TXLNG: variants seen among roughly 807,000 people sequenced by gnomAD.
TXLNG encodes taxilin gamma, also known as gamma-taxilin.
Under a neutral mutation model 38.8 loss-of-function variants are expected in TXLNG, and 5 were observed. That is an observed-to-expected ratio of 0.13 (90% confidence interval 0.07 to 0.27). TXLNG has a LOEUF of 0.27. Ranked by LOEUF, TXLNG falls within the 10% of genes least tolerant of loss-of-function variation. The probability of loss-of-function intolerance (pLI) is 1.00; values close to 1 mark genes in which losing one functional copy is unlikely to be tolerated. For missense variants in TXLNG, 393 were observed against 398.2 expected (o/e 0.99, Z 0.11); for synonymous variants, 182 against 158.2 (o/e 1.15, Z -1.13).
At position 16,818,595 on chromosome X, in the gene TXLNG, G is replaced by A. The variant is rs1160092905; in HGVS notation, c.124G>A (p.Glu42Lys). The A allele has an allele frequency of 8.3e-7, 1 of 1,207,077 alleles. No individual in the cohort carries two copies. ...CTAGTTTGAAATTGGCACAATGGAA[G>A]AAGCTGGAATTTGTGGGCTAGGGGT... ...RQKFEIGTME[E>K]AGICGLGVKA... Residue 42 changes from glutamate (E) to lysine (K), a missense_variant, in exon 2 of 10, where the codon GAA (glutamate) becomes AAA (lysine). Transcript: ENST00000380122.
In TXLNG at chrX:16,804,772, C is replaced by T. The variant is rs569306073; in HGVS notation, c.103-13802C>T. Among the ~76,000 whole-genome samples, 4 of 108,904 alleles carry T rather than the reference C, an allele frequency of 3.7e-5. No homozygotes were observed. The South Asian group carries it at 1.6e-3, about 43-fold the overall frequency. The allele number at this position is 108,904 out of a possible 115,157, so 94.6% of individuals were successfully genotyped here. On this transcript the variant is annotated intron_variant, in intron 1 of 9. Transcript: ENST00000380122. Reference sequence around the variant, plus strand: ...AAATTTGTTGTAGATTTAAGGGGTACAAGTTTCGTTACATGGATACATTAT... The same window carrying T: ...AAATTTGTTGTAGATTTAAGGGGTATAAGTTTCGTTACATGGATACATTAT...
At chrX:16,797,539 C>T (rs1927935106) in intron 1 of TXLNG, among the ~76,000 whole-genome samples, 1 of 112,320 alleles carries the variant, frequency 8.9e-6, no homozygotes, top group Non-Finnish European at 1.9e-5. Context: ...GGCTGTTGGA[C>T]TGAGGCCTCA....
intron 1 of TXLNG, among the ~76,000 whole-genome samples, chrX:16,807,024 C>T (rs1222096990): frequency 1.8e-5 from 2 of 110,905 alleles, no homozygotes; most frequent in Non-Finnish European, 3.8e-5. Flanking sequence ...GTGGAGGTTG[C>T]AGTGAGCTGA....
Position 16,837,604 on chromosome X carries a change from T to C in TXLNG, c.1071T>C (p.Tyr357=). The change falls in exon 8 of 10, where the codon TAT becomes TAC. Residue 357 remains tyrosine (Y), a synonymous_variant. Coordinates refer to ENST00000380122, the MANE Select transcript of TXLNG (RefSeq NM_018360.3). The part of the protein sequence containing the change: ...EVQLKQQLSL[Y]MDKFEEFQTT... ...TTTTTTTCCTATAGCTTTCTCTTTATATGGATAAGTTTGAAGAATTCCAGA... is the reference window on the plus strand; with the variant it reads ...TTTTTTTCCTATAGCTTTCTCTTTACATGGATAAGTTTGAAGAATTCCAGA... 8.3e-7 allele frequency: 1 copy of C among 1,202,952 alleles called. No homozygotes were observed. The highest frequency in any genetic ancestry group is 3.0e-5 in the East Asian group (1 of 33,736).
intron 3 of TXLNG, among the ~76,000 whole-genome samples, chrX:16,825,462 C>T (rs1420027187): frequency 8.9e-6 from 1 of 112,353 alleles, no homozygotes; most frequent in Non-Finnish European, 1.9e-5. Flanking sequence ...AACCTAGAGA[C>T]AGCCCAGATG....
chrX:16,840,769 CA>C (rs745567449), intron 9 of TXLNG, among the ~76,000 whole-genome samples: 3 of 109,318 alleles, frequency 2.7e-5, no homozygotes, highest in Non-Finnish European at 5.7e-5. Flanking sequence ...GAGACTGTCT[CA>C]AAAAAAACAA....
intron 1 of TXLNG, among the ~76,000 whole-genome samples, chrX:16,808,994 A>C (rs1928418091): frequency 1.8e-5 from 2 of 112,126 alleles, no homozygotes; most frequent in African/African-American, 6.5e-5. Context: ...AGTTTATACT[A>C]AACATCAATT....
intron 1 of TXLNG, among the ~76,000 whole-genome samples, chrX:16,802,049 G>A (rs371378005): frequency 9.9e-6 from 1 of 100,558 alleles, no homozygotes; most frequent in East Asian, 3.1e-4. Flanking sequence ...TGCCTCCTGG[G>A]TTCACACGAT....
At chrX:16,834,728 C>T (rs971065185) in intron 7 of TXLNG, among the ~76,000 whole-genome samples, 1 of 112,097 alleles carries the variant, frequency 8.9e-6, no homozygotes, top group Non-Finnish European at 1.9e-5. Flanking sequence ...AAAACTGATA[C>T]ATCTGCATAT....
intron 1 of TXLNG, among the ~76,000 whole-genome samples, chrX:16,795,269 A>G (rs1927843394): frequency 9.0e-6 from 1 of 110,996 alleles, no homozygotes; most frequent in Admixed American, 9.6e-5. Flanking sequence ...AGAGCGAGAC[A>G]CTGTCTCAAA....
At chrX:16,815,820 T>C (rs1928719578) in intron 1 of TXLNG, among the ~76,000 whole-genome samples, 1 of 109,508 alleles carries the variant, frequency 9.1e-6, no homozygotes, top group African/African-American at 3.3e-5. Context: ...CCACTGCGCC[T>C]GTCCGAAATT....
intron 6 of TXLNG, 78 bp downstream of exon 6, chrX:16,832,820 C>T: frequency 9.1e-7 from 1 of 1,104,642 alleles, no homozygotes; most frequent in Non-Finnish European, 1.2e-6. Flanking sequence ...AAATTGTAAC[C>T]AAGGCCGTTT....
intron 3 of TXLNG, among the ~76,000 whole-genome samples, chrX:16,824,928 A>G (rs1031149158): frequency 2.9e-5 from 3 of 104,145 alleles, no homozygotes; most frequent in Non-Finnish European, 4.0e-5. Context: ...TTCATCTCAG[A>G]AAAAAAAAAA....
intron 8 of TXLNG, among the ~76,000 whole-genome samples, chrX:16,838,262 A>C (rs1163052838): frequency 8.9e-6 from 1 of 112,042 alleles, no homozygotes; most frequent in Non-Finnish European, 1.9e-5. Context: ...AATTCTATGC[A>C]TATCCAGCCA....
chrX:16,789,687 T>TA lies in TXLNG; in HGVS notation c.102+3107dup, dbSNP rs986561454. Among the ~76,000 whole-genome samples, 25 of 106,938 alleles carry TA rather than the reference T, an allele frequency of 2.3e-4. No individual in the cohort carries two copies. The East Asian group carries it at 4.3e-3, about 18-fold the overall frequency. 92.9% of individuals were successfully genotyped at this position (106,938 alleles called of 115,157 possible). A position where few individuals can be genotyped will look rare whatever the true frequency, so the allele number is the denominator to read the frequency against. ...TAGAATTTGCTTTATAAGGTTGATT[T>TA]AAAAAAAAATTAATAGACTTTTTTT... is the stretch of plus-strand genomic sequence containing the variant. On this transcript the variant is annotated intron_variant, in intron 1 of 9. Coordinates refer to ENST00000380122, the MANE Select transcript of TXLNG (RefSeq NM_018360.3).
rs1035292474 is a variant in TXLNG, at chrX:16,840,107, G to A, written c.1248+191G>A. 9.5e-5 allele frequency: 33 copies of A among 346,345 alleles called. No homozygotes were observed. In the Middle Eastern group the frequency reaches 3.1e-3, roughly 32 times the overall value. 28.5% of individuals were successfully genotyped at this position (346,345 alleles called of 1,213,427 possible). A position where few individuals can be genotyped will look rare whatever the true frequency, so the allele number is the denominator to read the frequency against. On this transcript the variant is annotated intron_variant, in intron 9 of 9. Coordinates refer to ENST00000380122, the MANE Select transcript of TXLNG (RefSeq NM_018360.3). The stretch of plus-strand genomic sequence containing the variant: ...ACTTCTTTCCTGGCAGTTAGGTTAG[G>A]GACAGGGCCCTGAGTGAGGGGCTGA...
At position 16,801,950 on chromosome X, in the gene TXLNG, C is replaced by CT. The variant is rs56071399; in HGVS notation, c.102+15382dup. On this transcript the variant is annotated intron_variant, in intron 1 of 9. Transcript: ENST00000380122. ...ATTAGTGATTTTTTTTTCTTTCTTT[C>CT]TTTTTTTTTTTTTTTTTTTTTGAGA... 2.6e-3 allele frequency among the ~76,000 whole-genome samples: 116 copies of CT among 45,200 alleles called. 1 individual carries two copies. The highest frequency in any genetic ancestry group is 4.1e-3 in the African/African-American group (49 of 11,856). The allele number at this position is 45,200 out of a possible 115,157, so 39.3% of individuals were successfully genotyped here. A position where few individuals can be genotyped will look rare whatever the true frequency, so the allele number is the denominator to read the frequency against.
chrX:16,836,966 C>T (rs969771864), intron 7 of TXLNG, among the ~76,000 whole-genome samples: 1 of 111,216 alleles, frequency 9.0e-6, no homozygotes. Context: ...TGCCCTTCCC[C>T]GTATACTTCT....
intron 1 of TXLNG, among the ~76,000 whole-genome samples, chrX:16,800,965 C>T (rs1051171703): frequency 5.4e-5 from 6 of 111,121 alleles, no homozygotes; most frequent in African/African-American, 2.0e-4. Flanking sequence ...ATAGTTCTAG[C>T]GAGATCTGGT....
Sources: gnomAD v4.1 joint callset for allele counts (sites outside exome capture counted in the v4.1 genomes callset) on GRCh38, gnomAD v4.1.1 for gene constraint, MANE v1.5 for transcripts, NCBI Gene and HGNC (gene_info 2026-07-23, HGNC 2026-07-21) for gene names.